The following PTPN1 variants were observed in gnomAD, a reference collection of about 807,000 sequenced individuals.
The protein encoded by PTPN1 is protein tyrosine phosphatase non-receptor type 1.
PTPN1 carries 12 observed loss-of-function variants against 59.9 expected under a neutral mutation model. The ratio of observed to expected loss-of-function variants is 0.20; its 90% CI spans 0.13 to 0.32. The LOEUF is 0.32. Ranked by LOEUF, PTPN1 falls within the 10% of genes least tolerant of loss-of-function variation. The probability of loss-of-function intolerance (pLI) is 1.00; values close to 1 mark genes in which losing one functional copy is unlikely to be tolerated. For synonymous variants in PTPN1, 178 were observed against 203.6 expected (o/e 0.87, Z 1.07); for missense variants, 356 against 549.2 (o/e 0.65, Z 3.52).
At chr20:50,543,898 T>C (rs1395258767) in intron 1 of PTPN1, among the ~76,000 whole-genome samples, 1 of 151,940 alleles carries the variant, frequency 6.6e-6, no homozygotes, top group Non-Finnish European at 1.5e-5. Flanking sequence ...CAGGCTGGAG[T>C]GCAATGGTGC....
intron 4 of PTPN1, chr20:50,571,898 G>C (rs1015575640): frequency 6.6e-6 from 1 of 152,172 alleles, no homozygotes; most frequent in Non-Finnish European, 1.5e-5. Context: ...TAAAGCTGCC[G>C]TTTGCTTTCA....
chr20:50,531,917 G>T (rs1262954706), intron 1 of PTPN1, among the ~76,000 whole-genome samples: 1 of 152,172 alleles, frequency 6.6e-6, no homozygotes, highest in African/African-American at 2.4e-5. Flanking sequence ...TCCCTATAAG[G>T]CTGCAGGGCA....
At chr20:50,513,783 A>T (rs1192171687) in intron 1 of PTPN1, among the ~76,000 whole-genome samples, 2 of 152,220 alleles carry the variant, frequency 1.3e-5, no homozygotes, top group African/African-American at 4.8e-5. Context: ...TTCCAAAAAG[A>T]TGAATATTAA....
At chr20:50,539,796 T>A (rs1316891236) in intron 1 of PTPN1, among the ~76,000 whole-genome samples, 1 of 152,034 alleles carries the variant, frequency 6.6e-6, no homozygotes, top group Non-Finnish European at 1.5e-5. Context: ...CAAAGTCTCA[T>A]CATTTATGCA....
chr20:50,510,843 A>G (rs1429413168), intron 1 of PTPN1, among the ~76,000 whole-genome samples: 1 of 151,638 alleles, frequency 6.6e-6, no homozygotes, highest in Non-Finnish European at 1.5e-5. Flanking sequence ...TGATCTCTCA[A>G]GCCGGGGGAC....
chr20:50,524,318 T>C (rs1405900911), intron 1 of PTPN1, among the ~76,000 whole-genome samples: 1 of 152,196 alleles, frequency 6.6e-6, no homozygotes, highest in Non-Finnish European at 1.5e-5. Context: ...TTCATTGAAG[T>C]GAAGTGATAA....
At chr20:50,518,543 T>C (rs2082538522) in intron 1 of PTPN1, among the ~76,000 whole-genome samples, 1 of 152,210 alleles carries the variant, frequency 6.6e-6, no homozygotes, top group Admixed American at 6.5e-5. Flanking sequence ...TGGCTAACTT[T>C]TGCACAGAGA....
chr20:50,536,569 A>G (rs1601395063), intron 1 of PTPN1, among the ~76,000 whole-genome samples: 2 of 152,258 alleles, frequency 1.3e-5, no homozygotes, highest in South Asian at 4.1e-4. Flanking sequence ...TAGCAATTCT[A>G]AAGAACACAG....
chr20:50,579,718 C>G lies in PTPN1; in HGVS notation c.880C>G (p.Leu294Val). 2 of 1,612,210 alleles carry G rather than the reference C, an allele frequency of 1.2e-6. No individual in the cohort carries two copies. The highest frequency in any genetic ancestry group is 1.7e-6 in the Non-Finnish European group (2 of 1,179,694). The change falls in exon 8 of 10, where the codon CTT becomes GTT. Residue 294 changes from leucine (L) to valine (V), a missense_variant. Around this residue, in one of 3 missense-constraint regions of PTPN1, gnomAD observed 100 missense variants for 107.7 expected, o/e 0.93. Transcript: ENST00000371621. ...DSSVQDQWKE[L>V]SHEDLEPPPE... is the part of the protein sequence containing the mutation. Reference sequence around the variant, plus strand: ...CTCTTTCAAGGATCAGTGGAAGGAGCTTTCCCACGAGGACCTGGAGCCCCC... The same window carrying G: ...CTCTTTCAAGGATCAGTGGAAGGAGGTTTCCCACGAGGACCTGGAGCCCCC...
chr20:50,574,788 C>A, intron 5 of PTPN1, 134 bp downstream of exon 5: 1 of 1,177,938 alleles, frequency 8.5e-7, no homozygotes, highest in South Asian at 1.5e-5. Context: ...GGTTTGGGCA[C>A]TGTGGTGAGC....
chr20:50,535,708 C>T (rs945850807), intron 1 of PTPN1, among the ~76,000 whole-genome samples: 11 of 152,228 alleles, frequency 7.2e-5, no homozygotes, highest in African/African-American at 2.6e-4. Context: ...TATTTGGTTG[C>T]TTATACATTA....
At chr20:50,512,644 C>G (rs933958836) in intron 1 of PTPN1, among the ~76,000 whole-genome samples, 1 of 152,190 alleles carries the variant, frequency 6.6e-6, no homozygotes, top group Non-Finnish European at 1.5e-5. Flanking sequence ...GCCAGCTTTT[C>G]TCACCTCCAC....
At chr20:50,530,666 C>T (rs1195684079) in intron 1 of PTPN1, among the ~76,000 whole-genome samples, 11 of 151,260 alleles carry the variant, frequency 7.3e-5, no homozygotes, top group East Asian at 3.9e-4. Flanking sequence ...GGATTACAAG[C>T]GTGAGCCACC....
chr20:50,566,686 G>A (rs1240651107), intron 3 of PTPN1, among the ~76,000 whole-genome samples: 3 of 152,092 alleles, frequency 2.0e-5, no homozygotes, highest in African/African-American at 4.8e-5. Flanking sequence ...AAGTACAGAA[G>A]AGCAGAGAAT....
In PTPN1 at chr20:50,510,436, A is replaced by C; in HGVS notation, c.-92A>C. ...GGTAGCTGCAGGGGTCGGGGATTGC[A>C]GCGGGCCTCGGGGCTAAGAGCGCGA... is the stretch of plus-strand genomic sequence containing the variant. On this transcript the variant is annotated 5_prime_UTR_variant, in exon 1 of 10. Coordinates refer to ENST00000371621, the MANE Select transcript of PTPN1 (RefSeq NM_002827.4). The C allele has an allele frequency of 1.4e-6, 2 of 1,399,608 alleles. No individual in the cohort carries two copies. The highest frequency in any genetic ancestry group is 9.7e-7 in the Non-Finnish European group (1 of 1,030,086). The allele number at this position is 1,399,608 out of a possible 1,614,324, so 86.7% of individuals were successfully genotyped here.
Position 50,568,296 on chromosome 20 carries a change from T to C in PTPN1, c.256-84T>C. ...TAAGCTGTGGGGACTGAGGGCGCTG[T>C]CGTTAGCTGACTGCAGAAGGTGAGC... On this transcript the variant is annotated intron_variant, in intron 3 of 9. Transcript: ENST00000371621. The surrounding 1 kb of genome is among the most constrained non-coding windows in gnomAD (Gnocchi z 5.6). 1 of 1,244,870 alleles carries C rather than the reference T, an allele frequency of 8.0e-7. No homozygotes were observed. The highest frequency in any genetic ancestry group is 1.2e-6 in the Non-Finnish European group (1 of 848,156). 77.1% of individuals were successfully genotyped at this position (1,244,870 alleles called of 1,614,324 possible).
At chr20:50,530,175 AT>A (rs781236833) in intron 1 of PTPN1, among the ~76,000 whole-genome samples, 13,730 of 121,084 alleles carry the variant, frequency 0.11, 552 homozygotes, top group African/African-American at 0.13. Context: ...TGCCTGGCTG[AT>A]TTTTTTTTTT....
intron 1 of PTPN1, among the ~76,000 whole-genome samples, chr20:50,525,123 G>T (rs1243185405): frequency 6.6e-6 from 1 of 151,192 alleles, no homozygotes; most frequent in East Asian, 2.0e-4. Context: ...GCAATGGCAC[G>T]ATCTCGGCTC....
chr20:50,567,487 G>A (rs2082784584), intron 3 of PTPN1, among the ~76,000 whole-genome samples: 1 of 152,162 alleles, frequency 6.6e-6, no homozygotes, highest in African/African-American at 2.4e-5. Flanking sequence ...GAAACCATGA[G>A]AAGAAGTGAT....
Sources: gnomAD v4.1 joint callset for allele counts (sites outside exome capture counted in the v4.1 genomes callset) on GRCh38, gnomAD v4.1.1 for gene constraint, gnomAD v4.1.1 regional missense constraint, Gnocchi (gnomAD v3.1) non-coding constraint, MANE v1.5 for transcripts, NCBI Gene and HGNC (gene_info 2026-07-23, HGNC 2026-07-21) for gene names.